TMEM18: variants seen among roughly 807,000 people sequenced by gnomAD.
The protein encoded by TMEM18 is transmembrane protein 18.
A neutral mutation model predicts 17.4 loss-of-function variants in TMEM18; 14 were observed. The ratio of observed to expected loss-of-function variants is 0.80; its 90% confidence interval spans 0.53 to 1.25. The LOEUF (loss-of-function observed/expected upper bound fraction) is 1.25. Among genes scored for constraint, TMEM18 ranks in the 50% most tolerant of loss-of-function variants. TMEM18 has a pLI of 0.00. For missense variants in TMEM18, 187 were observed against 172.1 expected (o/e 1.09, Z -0.48); for synonymous variants, 86 against 66.1 (o/e 1.30, Z -1.46).
In TMEM18 at chr2:672,939, C is replaced by A. The variant is rs1180188865; in HGVS notation, c.179-77G>T. On this transcript the variant is annotated intron_variant, in intron 2 of 4. Transcript: ENST00000281017. Reference sequence around the variant, plus strand: ...TTATAAAGTTATACATTCTTTACAGCAGAATACTGAATAGAAATGTCACTT... The same window carrying A: ...TTATAAAGTTATACATTCTTTACAGAAGAATACTGAATAGAAATGTCACTT... 10 of 1,277,430 alleles carry A rather than the reference C, an allele frequency of 7.8e-6. No individual in the cohort carries two copies. The Admixed American group carries it at 1.8e-4, about 23-fold the overall frequency. 79.1% of individuals were successfully genotyped at this position (1,277,430 alleles called of 1,614,324 possible).
chr2:673,182 C>T (rs1678899991), intron 2 of TMEM18, among the ~76,000 whole-genome samples: 1 of 152,194 alleles, frequency 6.6e-6, no homozygotes. Flanking sequence ...CACACATTTC[C>T]CCAGGGACAG....
chr2:666,564 C>A lies in TMEM18; in HGVS notation c.*3016G>T, dbSNP rs114911813. ...GGAACAAGCTGCCACCAACGCATGG[C>A]ACCCACAGCCTGCGTGGGCCTCGCC... On this transcript the variant is annotated 3_prime_UTR_variant, in exon 5 of 5. Transcript: ENST00000281017. 0.01 allele frequency among the ~76,000 whole-genome samples: 1,568 copies of A among 152,298 alleles called. 33 individuals are homozygous for A. Among genetic ancestry groups the A allele is most frequent in the African/African-American group, 0.035 (1,443 of 41,562 alleles).
At position 677,314 on chromosome 2, in the gene TMEM18, G is replaced by C; in HGVS notation, c.32C>G (p.Pro11Arg). 2 of 1,612,514 alleles carry C rather than the reference G, an allele frequency of 1.2e-6. No individual in the cohort carries two copies. Among genetic ancestry groups the C allele is most frequent in the Non-Finnish European group, 1.7e-6 (2 of 1,179,824 alleles). ...CGTGAGCACGGCTGGGATGCTGACG[G>C]GGAAAGAGCTGACAGAGAAGGCGGA... MPSAFSVSSFPVSIPAVLTQT... is the reference protein window; with the variant it reads MPSAFSVSSFRVSIPAVLTQT... The change falls in exon 1 of 5, where the codon CCC (proline) becomes CGC (arginine). Residue 11 changes from proline (P) to arginine (R), a missense_variant. Transcript: ENST00000281017.
Position 668,815 on chromosome 2 carries a change from G to C in TMEM18, c.*765C>G, listed in dbSNP as rs1678759770. The C allele has an allele frequency of 6.6e-6, 1 of 152,232 alleles. No homozygotes were observed. The highest frequency in any genetic ancestry group is 2.1e-4 in the South Asian group (1 of 4,830). The allele number at this position is 152,232 out of a possible 1,614,324, so 9.4% of individuals were successfully genotyped here. A position where few individuals can be genotyped will look rare whatever the true frequency, so the allele number is the denominator to read the frequency against. ...AACAGAACACCAGGACATTAGGAAAGACACGCTTCTCCATGGAGTGTTGAC... is the reference window on the plus strand; with the variant it reads ...AACAGAACACCAGGACATTAGGAAACACACGCTTCTCCATGGAGTGTTGAC... On this transcript the variant is annotated 3_prime_UTR_variant, in exon 5 of 5. Coordinates refer to ENST00000281017, the MANE Select transcript of TMEM18 (RefSeq NM_152834.4).
At position 669,780 on chromosome 2, in the gene TMEM18, G is replaced by C; in HGVS notation, c.304C>G (p.Leu102Val). 1 of 1,614,074 alleles carries C rather than the reference G, an allele frequency of 6.2e-7. No homozygotes were observed. Among genetic ancestry groups the C allele is most frequent in the South Asian group, 1.1e-5 (1 of 91,080 alleles). ...ACCACAATGATCATGGCATTCACCAGCAGTGGGGCTGAAAATACTATAGAA... is the reference window on the plus strand; with the variant it reads ...ACCACAATGATCATGGCATTCACCACCAGTGGGGCTGAAAATACTATAGAA... ...FISIVFSAPL[L>V]VNAMIIVVMW... Residue 102 changes from leucine (L) to valine (V), a missense_variant, in exon 4 of 5, where the codon CTG (leucine) becomes GTG (valine). Physicochemically the swap from Leu to Val is conservative, Grantham distance 32. Coordinates refer to ENST00000281017, the MANE Select transcript of TMEM18 (RefSeq NM_152834.4).
chr2:672,607 C>T (rs989728266), intron 3 of TMEM18, among the ~76,000 whole-genome samples: 8 of 152,254 alleles, frequency 5.3e-5, no homozygotes, highest in African/African-American at 1.2e-4. Flanking sequence ...CACAGTGCCA[C>T]GCTCAGAAAG....
intron 2 of TMEM18, among the ~76,000 whole-genome samples, chr2:674,784 A>G (rs1027052951): frequency 6.6e-6 from 1 of 152,222 alleles, no homozygotes; most frequent in African/African-American, 2.4e-5. Flanking sequence ...CAATGTTGAG[A>G]GTCAAGAGTA....
At position 667,475 on chromosome 2, in the gene TMEM18, A is replaced by T. The variant is rs148323104; in HGVS notation, c.*2105T>A. 4.1e-4 allele frequency: 63 copies of T among 152,342 alleles called. No homozygotes were observed. In the East Asian group the frequency reaches 9.6e-3, roughly 23 times the overall value. The allele number at this position is 152,342 out of a possible 1,614,324, so 9.4% of individuals were successfully genotyped here. ...GTAAAAACATTTGTTCTACTTAAAC[A>T]GATGAAGCTCTCCAGTGAGTCATCC... is the stretch of plus-strand genomic sequence containing the variant. On this transcript the variant is annotated 3_prime_UTR_variant, in exon 5 of 5. Coordinates refer to ENST00000281017, the MANE Select transcript of TMEM18 (RefSeq NM_152834.4).
intron 2 of TMEM18, among the ~76,000 whole-genome samples, chr2:673,787 A>C: frequency 6.9e-6 from 1 of 144,668 alleles, no homozygotes. Flanking sequence ...GAAGGAGGGG[A>C]AGGAGGAGGG....
Position 669,497 on chromosome 2 carries a change from G to A in TMEM18, c.*83C>T, listed in dbSNP as rs1678779683. On this transcript the variant is annotated 3_prime_UTR_variant, in exon 5 of 5. Transcript: ENST00000281017. ...TTTCAAACCATGAGTCAGCTGGAAG[G>A]ATGCCCACGCCACGCACACTGCAGC... The A allele has an allele frequency of 7.4e-7, 1 of 1,345,288 alleles. No homozygotes were observed. Among genetic ancestry groups the A allele is most frequent in the Admixed American group, 2.0e-5 (1 of 51,098 alleles). 83.3% of individuals were successfully genotyped at this position (1,345,288 alleles called of 1,614,324 possible).
rs1678700290 is a variant in TMEM18, at chr2:666,707, G to A, written c.*2873C>T. ...CTCTGCCCTGGCTCGCTCCCTTCCT[G>A]CCTCCGAGAACTCTGCATGTGGAGC... On this transcript the variant is annotated 3_prime_UTR_variant, in exon 5 of 5. Transcript: ENST00000281017. Among the ~76,000 whole-genome samples, 1 of 152,110 alleles carries A rather than the reference G, an allele frequency of 6.6e-6. No individual in the cohort carries two copies. The highest frequency in any genetic ancestry group is 1.5e-5 in the Non-Finnish European group (1 of 68,012).
In TMEM18 at chr2:664,511, C is replaced by A. The variant is rs1678626661; in HGVS notation, c.*5069G>T. On this transcript the variant is annotated 3_prime_UTR_variant, in exon 5 of 5. Coordinates refer to ENST00000281017, the MANE Select transcript of TMEM18 (RefSeq NM_152834.4). ...TATTCACTAAAAAAATGCAAAACAC[C>A]AACAATCATTTGAAAAGCGTTAAAC... Among the ~76,000 whole-genome samples, 1 of 152,108 alleles carries A rather than the reference C, an allele frequency of 6.6e-6. No individual in the cohort carries two copies.
At position 669,401 on chromosome 2, in the gene TMEM18, T is replaced by C. The variant is rs1313991369; in HGVS notation, c.*179A>G. 2.5e-5 allele frequency: 17 copies of C among 666,838 alleles called. No individual in the cohort carries two copies. Among genetic ancestry groups the C allele is most frequent in the Non-Finnish European group, 4.3e-5 (16 of 375,138 alleles). 41.3% of individuals were successfully genotyped at this position (666,838 alleles called of 1,614,324 possible). A position where few individuals can be genotyped will look rare whatever the true frequency, so the allele number is the denominator to read the frequency against. Reference sequence around the variant, plus strand: ...GAAGACGCATGTCCTGATGGATACATTCAGTGCTGGCTGAAAAGCCAACTT... The same window carrying C: ...GAAGACGCATGTCCTGATGGATACACTCAGTGCTGGCTGAAAAGCCAACTT... On this transcript the variant is annotated 3_prime_UTR_variant, in exon 5 of 5. Coordinates refer to ENST00000281017, the MANE Select transcript of TMEM18 (RefSeq NM_152834.4).
At chr2:671,927 G>A (rs1210464713) in intron 3 of TMEM18, among the ~76,000 whole-genome samples, 2 of 152,180 alleles carry the variant, frequency 1.3e-5, no homozygotes, top group African/African-American at 4.8e-5. Context: ...AGGGAGGAGG[G>A]AGGGCAGAGA....
chr2:676,361 A>C, intron 1 of TMEM18: 1 of 1,425,844 alleles, frequency 7.0e-7, no homozygotes, highest in Non-Finnish European at 9.3e-7. Context: ...CCCCTCCTTG[A>C]GCGCCCTCCT....
At chr2:676,534 A>G in intron 1 of TMEM18, 3 of 1,548,108 alleles carry the variant, frequency 1.9e-6, no homozygotes, top group East Asian at 4.9e-5. Flanking sequence ...GCGCCATGAC[A>G]TAAGGACACA....
Position 669,933 on chromosome 2 carries a change from G to A in TMEM18, c.234-83C>T, listed in dbSNP as rs558564474. 4 of 1,123,866 alleles carry A rather than the reference G, an allele frequency of 3.6e-6. No homozygotes were observed. The South Asian group carries it at 5.7e-5, about 16-fold the overall frequency. 69.6% of individuals were successfully genotyped at this position (1,123,866 alleles called of 1,614,324 possible). On this transcript the variant is annotated intron_variant, in intron 3 of 4. Transcript: ENST00000281017. Reference sequence around the variant, plus strand: ...ACACCGTCTATTTAGATAAGACTTTGGAGAGAGCTGATGTGGACTGAGGTG... The same window carrying A: ...ACACCGTCTATTTAGATAAGACTTTAGAGAGAGCTGATGTGGACTGAGGTG...
Position 675,565 on chromosome 2 carries a change from G to A in TMEM18, c.123C>T (p.Leu41=). 1 of 1,614,246 alleles carries A rather than the reference G, an allele frequency of 6.2e-7. No individual in the cohort carries two copies. Among genetic ancestry groups the A allele is most frequent in the Non-Finnish European group, 8.5e-7 (1 of 1,180,046 alleles). ...LATFHALCVL[L]TCLSSRSYRL... ...TGTAGCTTCGGGAGGACAAGCAGGT[G>A]AGGAGCACGCAGAGCGCGTGGAAGG... Residue 41 remains leucine, a synonymous_variant, in exon 2 of 5, where the codon CTC becomes CTT. Coordinates refer to ENST00000281017, the MANE Select transcript of TMEM18 (RefSeq NM_152834.4).
At chr2:676,649 T>C (rs1659239774) in intron 1 of TMEM18, 1 of 1,549,366 alleles carries the variant, frequency 6.5e-7, no homozygotes, top group South Asian at 1.2e-5. Flanking sequence ...TGTCACCCCT[T>C]GGCGGCCACG....
Sources: gnomAD v4.1 joint callset for allele counts (sites outside exome capture counted in the v4.1 genomes callset) on GRCh38, gnomAD v4.1.1 for gene constraint, MANE v1.5 for transcripts, NCBI Gene and HGNC (gene_info 2026-07-23, HGNC 2026-07-21) for gene names.